The following AGAP6 variants were observed in gnomAD, a reference collection of about 807,000 sequenced individuals.
The protein encoded by AGAP6 is arf-GAP with GTPase, ANK repeat and PH domain-containing protein 6.
Under a neutral mutation model 63.9 loss-of-function variants are expected in AGAP6, and 29 were observed. The ratio of observed to expected loss-of-function variants is 0.45; its 90% CI spans 0.34 to 0.62. The LOEUF is 0.62. Ranked by LOEUF, AGAP6 falls within the 20% of genes least tolerant of loss-of-function variation. The pLI is 0.01. For missense variants in AGAP6, 493 were observed against 884.9 expected (o/e 0.56, Z 5.62); for synonymous variants, 199 against 332.9 (o/e 0.60, Z 4.38).
At chr10:49,995,335 T>C (rs1841443709) in intron 4 of AGAP6, among the ~76,000 whole-genome samples, 1 of 152,218 alleles carries the variant, frequency 6.6e-6, no homozygotes. Flanking sequence ...CTACGTTAGT[T>C]TATCTATCCA....
intron 6 of AGAP6, among the ~76,000 whole-genome samples, chr10:50,005,305 A>G (rs1841874286): frequency 6.6e-6 from 1 of 152,232 alleles, no homozygotes; most frequent in Non-Finnish European, 1.5e-5. Flanking sequence ...CTTTCTTTGC[A>G]ATTTGCTTTA....
At chr10:49,993,848 T>C (rs1318182988) in intron 3 of AGAP6, among the ~76,000 whole-genome samples, 1 of 151,800 alleles carries the variant, frequency 6.6e-6, no homozygotes, top group African/African-American at 2.4e-5. Context: ...AATTAAGATA[T>C]GTTACTTTCC....
intron 5 of AGAP6, 126 bp downstream of exon 5, chr10:50,002,222 G>C (rs1381231064): frequency 8.3e-6 from 7 of 845,106 alleles, no homozygotes; most frequent in East Asian, 2.8e-5. Context: ...TCCAGATTCT[G>C]AATATTAAGT....
intron 7 of AGAP6, among the ~76,000 whole-genome samples, chr10:50,008,360 G>A (rs1185838881): frequency 4.7e-5 from 7 of 148,296 alleles, no homozygotes; most frequent in South Asian, 2.1e-4. Context: ...GTGCAATCGC[G>A]CGATCTTGGT....
intron 4 of AGAP6, among the ~76,000 whole-genome samples, chr10:50,001,746 G>A (rs1554862918): frequency 1.0e-4 from 13 of 126,722 alleles, no homozygotes; most frequent in African/African-American, 3.3e-4. Flanking sequence ...TATTTTTAAC[G>A]GTAATTCATA....
At chr10:49,989,060 G>A (rs2132112232) in intron 1 of AGAP6, 122 bp downstream of exon 1, 4 of 1,581,858 alleles carry the variant, frequency 2.5e-6, no homozygotes, top group East Asian at 2.2e-5. Flanking sequence ...TTTCCCGGGG[G>A]CTGGCCAGGA....
chr10:49,995,556 T>C (rs1385634138), intron 4 of AGAP6, among the ~76,000 whole-genome samples: 1 of 152,238 alleles, frequency 6.6e-6, no homozygotes, highest in East Asian at 1.9e-4. Flanking sequence ...GGGGCAACTT[T>C]CTTTGGCCTT....
At chr10:49,989,401 T>A (rs1554860381) in intron 2 of AGAP6, 25 bp downstream of exon 2, 1 of 1,597,416 alleles carries the variant, frequency 6.3e-7, no homozygotes, top group Admixed American at 1.7e-5. Flanking sequence ...TCTGTAGCTC[T>A]ATTTATTATC....
Position 50,008,701 on chromosome 10 carries a change from T to G in AGAP6, c.586-10T>G. ...ATTTTTGAAGCCATTCCTCCTCCTGTTCCACACAGGTTTCCACCGTGCACA... is the reference window on the plus strand; with the variant it reads ...ATTTTTGAAGCCATTCCTCCTCCTGGTCCACACAGGTTTCCACCGTGCACA... On this transcript the variant is annotated splice_polypyrimidine_tract_variant and intron_variant, in intron 7 of 7. Coordinates refer to ENST00000412531, the MANE Select transcript of AGAP6 (RefSeq NM_001077665.3). 6.2e-7 allele frequency: 1 copy of G among 1,614,150 alleles called. No individual in the cohort carries two copies. Among genetic ancestry groups the G allele is most frequent in the Non-Finnish European group, 8.5e-7 (1 of 1,180,032 alleles).
rs782565685 is a variant in AGAP6 at position 49,991,775 on chromosome 10, A to G, written c.361+31A>G. The stretch of plus-strand genomic sequence containing the variant: ...ACGACATTGTCTTTTCCACCAAGAG[A>G]AAGAATAAAAGCTCTTGTTTGATCA... On this transcript the variant is annotated intron_variant, in intron 3 of 7. Transcript: ENST00000412531. The G allele has an allele frequency of 1.6e-5, 25 of 1,597,704 alleles. No individual in the cohort carries two copies. The Admixed American group carries it at 4.2e-4, about 27-fold the overall frequency.
rs782435971 is a variant in AGAP6, at chr10:50,009,013, G to T, written c.888G>T (p.Trp296Cys). 1.2e-6 allele frequency: 2 copies of T among 1,613,728 alleles called. No individual in the cohort carries two copies. The highest frequency in any genetic ancestry group is 2.2e-5 in the East Asian group (1 of 44,896). The part of the protein sequence containing the change: ...QGMLLKRSGK[W>C]LKTWKKKYVT... Reference sequence around the variant, plus strand: ...TGCTCTTAAAGCGAAGTGGGAAATGGCTGAAGACATGGAAAAAGAAATACG... The same window carrying T: ...TGCTCTTAAAGCGAAGTGGGAAATGTCTGAAGACATGGAAAAAGAAATACG... The change falls in exon 8 of 8, where the codon TGG becomes TGT. Residue 296 changes from tryptophan to cysteine, a missense_variant. Around this residue, in one of 7 missense-constraint regions of AGAP6, gnomAD observed 342 missense variants for 533.4 expected, o/e 0.64. Coordinates refer to ENST00000412531, the MANE Select transcript of AGAP6 (RefSeq NM_001077665.3).
chr10:49,996,206 C>A (rs1841479640), intron 4 of AGAP6, among the ~76,000 whole-genome samples: 2 of 151,854 alleles, frequency 1.3e-5, no homozygotes, highest in Non-Finnish European at 2.9e-5. Flanking sequence ...TCTACTATTT[C>A]TATTGAATTT....
intron 4 of AGAP6, among the ~76,000 whole-genome samples, chr10:49,996,110 G>A (rs3964933): frequency 1.3e-4 from 20 of 151,934 alleles, no homozygotes; most frequent in Non-Finnish European, 2.1e-4. Context: ...AGACCAGTAT[G>A]CCTGCATTGA....
At position 49,991,735 on chromosome 10, in the gene AGAP6, C is replaced by T. The variant is rs1296485665; in HGVS notation, c.352C>T (p.Gln118Ter). The T allele has an allele frequency of 5.0e-6, 8 of 1,598,470 alleles. No individual in the cohort carries two copies. The South Asian group carries it at 6.6e-5, about 13-fold the overall frequency. Residue 118 changes from glutamine (Q) to a stop codon, truncating the protein, a stop_gained, in exon 3 of 8, where the codon CAA (glutamine) becomes TAA (stop). Coordinates refer to ENST00000412531, the MANE Select transcript of AGAP6 (RefSeq NM_001077665.3). LOFTEE classifies it high-confidence loss of function. ...AAGCACAATATTCCAGAGGAACTCT[C>T]AAACAGATGGTGAGACGACATTGTC... ...EASTIFQRNS[Q>*]TDVVEIRRSN...
intron 4 of AGAP6, among the ~76,000 whole-genome samples, chr10:49,999,517 G>T: frequency 7.4e-6 from 1 of 134,988 alleles, no homozygotes; most frequent in East Asian, 2.4e-4. Flanking sequence ...ATACTGAAAG[G>T]GGGAAAAGTT....
chr10:49,992,264 G>T (rs1347791157), intron 3 of AGAP6, among the ~76,000 whole-genome samples: 1 of 151,926 alleles, frequency 6.6e-6, no homozygotes, highest in African/African-American at 2.4e-5. Context: ...AAAGTTTTAG[G>T]TTATTAACTT....
At position 50,008,874 on chromosome 10, in the gene AGAP6, G is replaced by T. The variant is rs1429241225; in HGVS notation, c.749G>T (p.Trp250Leu). 5 of 1,613,716 alleles carry T rather than the reference G, an allele frequency of 3.1e-6. No individual in the cohort carries two copies. In the East Asian group the frequency reaches 8.9e-5, roughly 29 times the overall value. The change falls in exon 8 of 8, where the codon TGG (tryptophan) becomes TTG (leucine). Residue 250 changes from tryptophan to leucine, a missense_variant. Physicochemically the swap from Trp to Leu is moderately conservative, Grantham distance 61 (BLOSUM62 -2). Around this residue, in one of 7 missense-constraint regions of AGAP6, gnomAD observed 342 missense variants for 533.4 expected, o/e 0.64. Coordinates refer to ENST00000412531, the MANE Select transcript of AGAP6 (RefSeq NM_001077665.3). ...PTPVCKRSMR[W>L]SNLFTSEKGS... ...CCCGTTTGCAAGCGGTCCATGCGCT[G>T]GTCCAACCTGTTTACATCTGAGAAA...
Position 50,009,675 on chromosome 10 carries a change from G to T in AGAP6, c.1550G>T (p.Arg517Leu), listed in dbSNP as rs781826206. ...CTTGGCCCCCACCTTTCCCGTGTGCGATCTCTGGAGCTGGATGACTGGCCA... is the reference window on the plus strand; with the variant it reads ...CTTGGCCCCCACCTTTCCCGTGTGCTATCTCTGGAGCTGGATGACTGGCCA... Reference protein sequence around the residue: ...RSLGPHLSRVRSLELDDWPVE... With the variant: ...RSLGPHLSRVLSLELDDWPVE... Residue 517 changes from arginine (R) to leucine (L), a missense_variant, in exon 8 of 8, where the codon CGA becomes CTA. This residue lies in a region of AGAP6 where 87 missense variants were observed against 92.9 expected (regional missense o/e 0.94). Coordinates refer to ENST00000412531, the MANE Select transcript of AGAP6 (RefSeq NM_001077665.3). The T allele has an allele frequency of 1.2e-6, 2 of 1,614,230 alleles. No homozygotes were observed. Among genetic ancestry groups the T allele is most frequent in the African/African-American group, 2.7e-5 (2 of 75,064 alleles).
intron 6 of AGAP6, among the ~76,000 whole-genome samples, chr10:50,005,340 G>C (rs1326015869): frequency 1.3e-5 from 2 of 152,198 alleles, no homozygotes; most frequent in Non-Finnish European, 2.9e-5. Flanking sequence ...GGCTGGGCAC[G>C]GTGGCTCACG....
Sources: allele counts gnomAD v4.1 joint callset (sites outside exome capture counted in the v4.1 genomes callset), GRCh38; gene constraint gnomAD v4.1.1; regional missense constraint gnomAD v4.1.1; transcripts MANE v1.5; gene names NCBI Gene and HGNC (gene_info 2026-07-23, HGNC 2026-07-21).